The following RTL9 variants were observed in gnomAD, a reference collection of about 807,000 sequenced individuals.
The protein encoded by RTL9 is retrotransposon Gag-like protein 9.
RTL9 carries 19 observed loss-of-function variants against 44.7 expected under a neutral mutation model. The observed-to-expected ratio is 0.42, with a 90% confidence interval of 0.30 to 0.62. The LOEUF (loss-of-function observed/expected upper bound fraction) is 0.62. Ranked by LOEUF, RTL9 falls within the 20% of genes least tolerant of loss-of-function variation. RTL9 has a pLI of 0.16. For missense variants in RTL9, 1,105 were observed against 1,080.6 expected, an observed-to-expected ratio of 1.02 and a Z score of -0.32; for synonymous variants, 407 against 398.9, an observed-to-expected ratio of 1.02 and a Z score of -0.24.
chrX:110,442,247 C>CTCTCTCTCTG (rs1556214261), intron 1 of RTL9, among the ~76,000 whole-genome samples: 110 of 97,039 alleles, frequency 1.1e-3, no homozygotes, highest in Admixed American at 1.4e-3. Flanking sequence ...CTCTCTCTCT[C>CTCTCTCTCTG]TGTGTGTGTG....
At chrX:110,365,746 T>C (rs1343795740) in intron 1 of RTL9, among the ~76,000 whole-genome samples, 1 of 111,978 alleles carries the variant, frequency 8.9e-6, no homozygotes, top group Non-Finnish European at 1.9e-5. Flanking sequence ...TGGTTGCTCA[T>C]GATCTTTCTG....
upstream of RTL9, among the ~76,000 whole-genome samples, chrX:110,415,883 T>C (rs773861828): frequency 1.8e-5 from 2 of 111,047 alleles, no homozygotes; most frequent in Non-Finnish European, 3.8e-5. Context: ...CAAAAATGTT[T>C]GCCTTTTCTG....
At chrX:110,444,522 A>G (rs188863067) in intron 1 of RTL9, among the ~76,000 whole-genome samples, 2 of 112,502 alleles carry the variant, frequency 1.8e-5, no homozygotes, top group African/African-American at 3.2e-5. Context: ...AGAGAAATCT[A>G]TTTCATGTAT....
intron 1 of RTL9, among the ~76,000 whole-genome samples, chrX:110,365,253 G>C (rs1419654019): frequency 8.9e-6 from 1 of 111,773 alleles, no homozygotes. Flanking sequence ...TCTGAAGATA[G>C]GGTCAGGAGC....
intron 1 of RTL9, among the ~76,000 whole-genome samples, chrX:110,384,067 T>C (rs1418966652): frequency 1.8e-5 from 2 of 112,350 alleles, no homozygotes; most frequent in Non-Finnish European, 3.8e-5. Flanking sequence ...TATTGTTTTA[T>C]TGTTATCGTA....
chrX:110,451,937 A>G (rs2068944678), exon 1 of RTL9: 1 of 1,209,324 alleles, frequency 8.3e-7, no homozygotes, highest in Non-Finnish European at 1.1e-6. Context: ...TGACCACCTC[A>G]CTGATGACAG....
chrX:110,449,132 C>A (rs1461851314), upstream of RTL9, among the ~76,000 whole-genome samples: 2 of 110,089 alleles, frequency 1.8e-5, no homozygotes, highest in Non-Finnish European at 3.8e-5. Flanking sequence ...CTTTATAGCA[C>A]CTTGGTGAAG....
chrX:110,391,351 G>A (rs1436569880), intron 1 of RTL9, among the ~76,000 whole-genome samples: 2 of 111,942 alleles, frequency 1.8e-5, no homozygotes, highest in African/African-American at 6.5e-5. Flanking sequence ...CAACCATCAT[G>A]CTTGGGGGCA....
chrX:110,453,410 A>C (rs1446565061), exon 1 of RTL9: 1 of 1,211,472 alleles, frequency 8.3e-7, no homozygotes. Context: ...TGAGAGCTTC[A>C]GCCTCTGGAC....
intron 1 of RTL9, among the ~76,000 whole-genome samples, chrX:110,444,167 G>C (rs766664972): frequency 8.9e-6 from 1 of 112,867 alleles, no homozygotes; most frequent in East Asian, 2.8e-4. Flanking sequence ...TACAAGAGAG[G>C]CATGTGGTCC....
intron 1 of RTL9, among the ~76,000 whole-genome samples, chrX:110,374,359 T>C (rs771291473): frequency 8.9e-6 from 1 of 112,297 alleles, no homozygotes; most frequent in Non-Finnish European, 1.9e-5. Flanking sequence ...ATGTTTTAAA[T>C]GCATGAGTGA....
chrX:110,411,408 C>G (rs1413299415), intron 1 of RTL9, among the ~76,000 whole-genome samples: 1 of 111,821 alleles, frequency 8.9e-6, no homozygotes, highest in Non-Finnish European at 1.9e-5. Flanking sequence ...GACAACCGGC[C>G]TGCCACCAAA....
chrX:110,367,787 G>A (rs776205157), intron 1 of RTL9, among the ~76,000 whole-genome samples: 1 of 109,808 alleles, frequency 9.1e-6, no homozygotes, highest in Non-Finnish European at 1.9e-5. Context: ...CTATCTATCA[G>A]CAATACTTTC....
rs145591801 is a variant in RTL9, at chrX:110,427,668, T to C, written c.-168+8533T>C. Among the ~76,000 whole-genome samples the C allele has an allele frequency of 6.1e-3, 685 of 112,328 alleles. 3 individuals are homozygous for C. Among genetic ancestry groups the C allele is most frequent in the South Asian group, 9.7e-3 (26 of 2,674 alleles). On this transcript the variant is annotated intron_variant, in intron 1 of 3. Transcript: ENST00000465301. ...TAAAGTTCCCCAGGTGCTTCTAATA[T>C]ACAGTCAAGGCTGAGAACTACTGCT...
chrX:110,446,725 A>G (rs1392182322), upstream of RTL9, among the ~76,000 whole-genome samples: 1 of 111,746 alleles, frequency 8.9e-6, no homozygotes, highest in Non-Finnish European at 1.9e-5. Context: ...ATCCTCATGT[A>G]CACATTAGAA....
intron 1 of RTL9, among the ~76,000 whole-genome samples, chrX:110,362,437 A>C (rs1211816752): frequency 8.9e-6 from 1 of 112,296 alleles, no homozygotes; most frequent in East Asian, 2.8e-4. Flanking sequence ...AGAACGCTGA[A>C]ATCAGTATTT....
chrX:110,415,837 A>T (rs772365021), upstream of RTL9, among the ~76,000 whole-genome samples: 90 of 111,094 alleles, frequency 8.1e-4, no homozygotes, highest in African/African-American at 2.9e-3. Flanking sequence ...TGAGTGGGGA[A>T]ACTGATTGTC....
At chrX:110,433,975 C>G (rs1009277666) in intron 1 of RTL9, among the ~76,000 whole-genome samples, 1 of 111,333 alleles carries the variant, frequency 9.0e-6, no homozygotes, top group African/African-American at 3.3e-5. Context: ...CCGAGGCACA[C>G]ATAAGCCCTC....
chrX:110,436,041 G>A (rs1207758354), intron 1 of RTL9, among the ~76,000 whole-genome samples: 1 of 112,575 alleles, frequency 8.9e-6, no homozygotes, highest in Non-Finnish European at 1.9e-5. Context: ...TAACCAGTAA[G>A]GTCTTCTATA....
Sources: allele counts gnomAD v4.1 joint callset (sites outside exome capture counted in the v4.1 genomes callset), GRCh38; gene constraint gnomAD v4.1.1; transcripts MANE v1.5; gene names NCBI Gene and HGNC (gene_info 2026-07-23, HGNC 2026-07-21).